DLGAP2: variants seen among roughly 807,000 people sequenced by gnomAD.
DLGAP2 encodes disks large-associated protein 2.
DLGAP2 carries 26 observed loss-of-function variants against 100.3 expected under a neutral mutation model. The ratio of observed to expected loss-of-function variants is 0.26; its 90% CI spans 0.19 to 0.36. The LOEUF is 0.36. Ranked by LOEUF, DLGAP2 falls within the 10% of genes least tolerant of loss-of-function variation. The probability of loss-of-function intolerance (pLI) is 1.00; values close to 1 mark genes in which losing one functional copy is unlikely to be tolerated. For synonymous variants in DLGAP2, 886 were observed against 630.1 expected, an observed-to-expected ratio of 1.41 and a Z score of -6.08; for missense variants, 1,858 against 1,453.2, an observed-to-expected ratio of 1.28 and a Z score of -4.53.
At chr8:874,006 T>C (rs925190042) in intron 1 of DLGAP2, among the ~76,000 whole-genome samples, 1 of 152,194 alleles carries the variant, frequency 6.6e-6, no homozygotes, top group Admixed American at 6.5e-5. Flanking sequence ...TGTAAAATTA[T>C]TCATAGTGTT....
chr8:1,236,399 C>G (rs1436903955), intron 2 of DLGAP2, among the ~76,000 whole-genome samples: 54 of 43,290 alleles, frequency 1.2e-3, no homozygotes, highest in African/African-American at 6.1e-3. Context: ...GGTGCCGTGT[C>G]TAGTTCTCTC....
chr8:1,641,478 G>C (rs1322165287), intron 8 of DLGAP2, among the ~76,000 whole-genome samples: 3 of 152,166 alleles, frequency 2.0e-5, no homozygotes, highest in African/African-American at 7.2e-5. Context: ...AGCTGTCATT[G>C]AACAAGTGAA....
intron 3 of DLGAP2, among the ~76,000 whole-genome samples, chr8:1,451,749 C>T (rs528316171): frequency 3.2e-4 from 48 of 152,312 alleles, no homozygotes; most frequent in African/African-American, 9.4e-4. Flanking sequence ...CAGGAGCTCC[C>T]TCCACAGTAA....
intron 2 of DLGAP2, among the ~76,000 whole-genome samples, chr8:1,068,680 GC>G (rs1444397116): frequency 6.6e-6 from 1 of 151,974 alleles, no homozygotes; most frequent in Non-Finnish European, 1.5e-5. Flanking sequence ...CACAGCAGGG[GC>G]TCAGCGCATG....
rs552623035 is a variant in DLGAP2, at chr8:1,096,059, G to A, written c.74-162792G>A. On this transcript the variant is annotated intron_variant, in intron 2 of 14. Transcript: ENST00000637795. Reference sequence around the variant, plus strand: ...ATTCAGTGTAAACATTGTTCAAAACGTTTGTTTGTTCAGAGATGACGTTGC... The same window carrying A: ...ATTCAGTGTAAACATTGTTCAAAACATTTGTTTGTTCAGAGATGACGTTGC... Among the ~76,000 whole-genome samples, 186 of 151,810 alleles carry A rather than the reference G, an allele frequency of 1.2e-3. 3 individuals carry two copies. Among genetic ancestry groups the A allele is most frequent in the South Asian group, 2.5e-3 (12 of 4,824 alleles).
At chr8:1,245,063 G>A (rs1265760388) in intron 2 of DLGAP2, among the ~76,000 whole-genome samples, 2 of 152,146 alleles carry the variant, frequency 1.3e-5, no homozygotes, top group African/African-American at 4.8e-5. Context: ...CCACGTGTTA[G>A]GATGGCCATA....
intron 3 of DLGAP2, among the ~76,000 whole-genome samples, chr8:1,374,601 A>G (rs1031018357): frequency 9.8e-5 from 15 of 152,320 alleles, no homozygotes; most frequent in African/African-American, 3.4e-4. Flanking sequence ...CTGTGATGTA[A>G]CCATGTGGCA....
At chr8:1,328,562 G>A (rs1167729308) in intron 3 of DLGAP2, among the ~76,000 whole-genome samples, 2 of 152,080 alleles carry the variant, frequency 1.3e-5, no homozygotes, top group Non-Finnish European at 2.9e-5. Flanking sequence ...TGTTGGCCAG[G>A]CTGGTCTTGA....
intron 2 of DLGAP2, among the ~76,000 whole-genome samples, chr8:963,011 C>T (rs1799763073): frequency 6.6e-6 from 1 of 152,200 alleles, no homozygotes; most frequent in South Asian, 2.1e-4. Flanking sequence ...GGGCAGCCCT[C>T]GCACAGCCAT....
At position 783,739 on chromosome 8, in the gene DLGAP2, G is replaced by A. The variant is rs987736813; in HGVS notation, c.18+45914G>A. Among the ~76,000 whole-genome samples, 3 of 152,136 alleles carry A rather than the reference G, an allele frequency of 2.0e-5. No individual in the cohort carries two copies. In the South Asian group the frequency reaches 6.2e-4, roughly 32 times the overall value. The stretch of plus-strand genomic sequence containing the variant: ...TCCCCCTCTTATGAAAGAGGGAAAA[G>A]GTGTACCCTCCCACCACATCCGGAA... On this transcript the variant is annotated intron_variant, in intron 1 of 14. Coordinates refer to ENST00000637795, the MANE Select transcript of DLGAP2 (RefSeq NM_001346810.2).
At chr8:1,153,017 A>T (rs149282229) in intron 2 of DLGAP2, among the ~76,000 whole-genome samples, 258 of 152,190 alleles carry the variant, frequency 1.7e-3, no homozygotes, top group Non-Finnish European at 2.4e-3. Flanking sequence ...AATGAAACTT[A>T]CCTCCTTTAC....
At chr8:1,664,265 C>T (rs748328872) in intron 8 of DLGAP2, among the ~76,000 whole-genome samples, 5 of 152,160 alleles carry the variant, frequency 3.3e-5, no homozygotes, top group Non-Finnish European at 7.3e-5. Flanking sequence ...CGTCTACTAG[C>T]CCTTCCCGTG....
At chr8:1,460,128 G>A (rs534072930) in intron 3 of DLGAP2, among the ~76,000 whole-genome samples, 8 of 152,160 alleles carry the variant, frequency 5.3e-5, no homozygotes, top group South Asian at 2.1e-4. Context: ...TCGGTTCTGC[G>A]GCCCCGGGCT....
At chr8:1,274,457 C>G (rs1466439532) in intron 3 of DLGAP2, among the ~76,000 whole-genome samples, 1 of 146,596 alleles carries the variant, frequency 6.8e-6, no homozygotes, top group African/African-American at 2.5e-5. Flanking sequence ...AAATGAGTGA[C>G]TTTGGATTTA....
At chr8:1,225,805 A>C (rs1452010344) in intron 2 of DLGAP2, among the ~76,000 whole-genome samples, 4 of 152,234 alleles carry the variant, frequency 2.6e-5, no homozygotes, top group Non-Finnish European at 5.9e-5. Context: ...TGCAGTTTAT[A>C]ATATATTGTA....
At position 1,668,462 on chromosome 8, in the gene DLGAP2, G is replaced by A. The variant is rs757117649; in HGVS notation, c.1944G>A (p.Gln648=). The A allele has an allele frequency of 8.1e-6, 13 of 1,595,804 alleles. No homozygotes were observed. The East Asian group carries it at 3.0e-4, about 37-fold the overall frequency. The change falls in exon 9 of 15, where the codon CAG becomes CAA. Residue 648 remains glutamine, a synonymous_variant. Transcript: ENST00000637795. Reference sequence around the variant, plus strand: ...ACGCCTACCAGGACAGCCGCGCACAGAGGATGTCCCCGTGGCCCCAGGACA... The same window carrying A: ...ACGCCTACCAGGACAGCCGCGCACAAAGGATGTCCCCGTGGCCCCAGGACA... The part of the protein sequence containing the change: ...TQDAYQDSRA[Q]RMSPWPQDSR...
intron 2 of DLGAP2, among the ~76,000 whole-genome samples, chr8:1,044,699 A>C (rs901300874): frequency 7.9e-5 from 12 of 152,278 alleles, no homozygotes; most frequent in African/African-American, 2.9e-4. Flanking sequence ...TATCGGAGGA[A>C]AGTTTCTGCT....
chr8:1,009,123 C>G (rs905062834), intron 2 of DLGAP2, among the ~76,000 whole-genome samples: 9 of 152,146 alleles, frequency 5.9e-5, no homozygotes, highest in African/African-American at 1.9e-4. Context: ...TCCATGTGGC[C>G]GAGGGTGGTG....
intron 2 of DLGAP2, among the ~76,000 whole-genome samples, chr8:1,099,892 C>T (rs1367942965): frequency 3.3e-5 from 5 of 152,242 alleles, no homozygotes. Flanking sequence ...CACGTCCCTT[C>T]TATTATGCCG....
Sources: gnomAD v4.1 joint callset for allele counts (sites outside exome capture counted in the v4.1 genomes callset) on GRCh38, gnomAD v4.1.1 for gene constraint, MANE v1.5 for transcripts, NCBI Gene and HGNC (gene_info 2026-07-23, HGNC 2026-07-21) for gene names.